Variants in DCAF13 observed in about 807,000 individuals in gnomAD.
The protein encoded by DCAF13 is DDB1- and CUL4-associated factor 13.
DCAF13 carries 38 observed loss-of-function variants against 59.0 expected under a neutral mutation model. The observed-to-expected ratio is 0.64, with a 90% CI of 0.50 to 0.84. DCAF13 has a LOEUF of 0.84. Ranked by LOEUF, DCAF13 falls within the 40% of genes least tolerant of loss-of-function variation. The probability of loss-of-function intolerance (pLI) is 0.00; values close to 1 mark genes in which losing one functional copy is unlikely to be tolerated. For synonymous variants in DCAF13, 173 were observed against 175.0 expected, an observed-to-expected ratio of 0.99 and a Z score of 0.09; for missense variants, 469 against 558.4, an observed-to-expected ratio of 0.84 and a Z score of 1.61.
intron 5 of DCAF13, chr8:103,430,100 A>T (rs1225927582): frequency 6.6e-6 from 1 of 152,312 alleles, no homozygotes; most frequent in Non-Finnish European, 1.5e-5. Flanking sequence ...ATTAAAATAC[A>T]TGCATGGGGG....
chr8:103,415,607 C>T, intron 1 of DCAF13, 91 bp downstream of exon 1: 1 of 1,275,992 alleles, frequency 7.8e-7, no homozygotes, highest in Non-Finnish European at 1.1e-6. Context: ...GGGAGGCTGG[C>T]ACTCTGGTCT....
intron 3 of DCAF13, among the ~76,000 whole-genome samples, chr8:103,422,552 A>G (rs774906526): frequency 1.3e-5 from 2 of 152,220 alleles, no homozygotes; most frequent in Non-Finnish European, 2.9e-5. Flanking sequence ...GAACTACTAC[A>G]AAGAATAATG....
intron 5 of DCAF13, chr8:103,429,694 CGAAG>C (rs1816835878): frequency 2.0e-5 from 3 of 150,340 alleles, no homozygotes; most frequent in Admixed American, 2.0e-4. Flanking sequence ...GTTAACAACA[CGAAG>C]AAACATTTAC....
Position 103,442,871 on chromosome 8 carries a change from G to C in DCAF13, c.1327G>C (p.Val443Leu). ...VSEKKKHVVA[V>L]VK ...AGAGAAGAAGAAACACGTAGTGGCA[G>C]TTGTAAAATAATTGGTATTCCTAAC... is the stretch of plus-strand genomic sequence containing the variant. Residue 443 changes from valine to leucine, a missense_variant, in exon 11 of 11, where the codon GTT (valine) becomes CTT (leucine). Physicochemically the swap from Val to Leu is conservative, Grantham distance 32. Around this residue, in one of 3 missense-constraint regions of DCAF13, gnomAD observed 84 missense variants for 92.3 expected, o/e 0.91. Coordinates refer to ENST00000612750, the MANE Select transcript of DCAF13 (RefSeq NM_015420.7). 6.2e-7 allele frequency: 1 copy of C among 1,603,542 alleles called. No individual in the cohort carries two copies. The highest frequency in any genetic ancestry group is 1.7e-5 in the Admixed American group (1 of 58,914).
intron 1 of DCAF13, among the ~76,000 whole-genome samples, chr8:103,418,797 G>A (rs558092062): frequency 1.3e-4 from 15 of 115,894 alleles, no homozygotes; most frequent in African/African-American, 4.5e-4. Context: ...TTAGACATAC[G>A]AGCTTAAAAT....
At chr8:103,424,754 A>T (rs1816767715) in intron 3 of DCAF13, among the ~76,000 whole-genome samples, 1 of 152,172 alleles carries the variant, frequency 6.6e-6, no homozygotes, top group South Asian at 2.1e-4. Flanking sequence ...TTTATCCTGT[A>T]TTCTGTAAGT....
chr8:103,432,830 TA>T, intron 7 of DCAF13, 89 bp downstream of exon 7: 1 of 736,066 alleles, frequency 1.4e-6, no homozygotes, highest in Non-Finnish European at 2.3e-6. Context: ...TACCACTAGG[TA>T]GGTATACCTA....
intron 1 of DCAF13, 44 bp downstream of exon 1, chr8:103,415,560 G>T (rs746571278): frequency 7.1e-6 from 11 of 1,557,280 alleles, no homozygotes; most frequent in East Asian, 2.3e-5. Flanking sequence ...TCCGCAAGTC[G>T]TTGGGTCTAG....
chr8:103,441,381 G>T (rs1161315580), intron 9 of DCAF13, 74 bp from the exon 10 acceptor site: 20 of 1,394,932 alleles, frequency 1.4e-5, no homozygotes, highest in Non-Finnish European at 1.9e-5. Flanking sequence ...GGGGGAAAAG[G>T]GTGCTTTCTA....
intron 8 of DCAF13, 180 bp from the exon 9 acceptor site, chr8:103,439,956 C>A: frequency 2.5e-6 from 1 of 394,040 alleles, no homozygotes; most frequent in Non-Finnish European, 4.3e-6. Flanking sequence ...TGTTTACTAC[C>A]CCAGCACTTA....
At chr8:103,420,222 A>T in intron 1 of DCAF13, 42 bp from the exon 2 acceptor site, 1 of 1,568,572 alleles carries the variant, frequency 6.4e-7, no homozygotes, top group Non-Finnish European at 8.8e-7. Context: ...ACTGCAGGAA[A>T]TATTAAGTGT....
chr8:103,421,444 C>T (rs1320521200), intron 3 of DCAF13, among the ~76,000 whole-genome samples: 1 of 152,090 alleles, frequency 6.6e-6, no homozygotes, highest in Non-Finnish European at 1.5e-5. Flanking sequence ...GCAAGATATC[C>T]GGAACGTAAA....
At chr8:103,420,609 A>G (rs1816709891) in intron 2 of DCAF13, 146 bp downstream of exon 2, 1 of 777,356 alleles carries the variant, frequency 1.3e-6, no homozygotes, top group East Asian at 2.7e-5. Flanking sequence ...ACTGTTTAGT[A>G]TTTTCTTCTT....
chr8:103,422,135 A>G (rs1229653309), intron 3 of DCAF13, among the ~76,000 whole-genome samples: 1 of 152,200 alleles, frequency 6.6e-6, no homozygotes, highest in Non-Finnish European at 1.5e-5. Flanking sequence ...TGGAGGATTG[A>G]CAGGTTTGAC....
chr8:103,443,035 T>G lies in DCAF13; in HGVS notation c.*153T>G. On this transcript the variant is annotated 3_prime_UTR_variant, in exon 11 of 11. Coordinates refer to ENST00000612750, the MANE Select transcript of DCAF13 (RefSeq NM_015420.7). ...TCCTTTTAGCTACCCTGAAAAATGA[T>G]CCTTAAAGGTGGCCTAGTTGGTAAG... 1.9e-6 allele frequency: 1 copy of G among 516,404 alleles called. No individual in the cohort carries two copies. The highest frequency in any genetic ancestry group is 3.5e-5 in the South Asian group (1 of 28,624). 32.0% of individuals were successfully genotyped at this position (516,404 alleles called of 1,614,324 possible).
intron 8 of DCAF13, among the ~76,000 whole-genome samples, chr8:103,436,516 T>C (rs1816936745): frequency 6.6e-6 from 1 of 152,162 alleles, no homozygotes; most frequent in Non-Finnish European, 1.5e-5. Context: ...ATTTTTATTG[T>C]GTTTTGTATA....
chr8:103,430,604 GT>G lies in DCAF13; in HGVS notation c.625-3del. The G allele has an allele frequency of 6.2e-7, 1 of 1,608,652 alleles. No homozygotes were observed. The highest frequency in any genetic ancestry group is 8.5e-7 in the Non-Finnish European group (1 of 1,176,502). ...CTTTGAACTGGTGATTGTTATACTT[GT>G]TTTTAGACATTTCTCTTGGGAAGTT... On this transcript the variant is annotated splice_region_variant and splice_polypyrimidine_tract_variant and intron_variant, in intron 5 of 10. Coordinates refer to ENST00000612750, the MANE Select transcript of DCAF13 (RefSeq NM_015420.7).
In DCAF13 at chr8:103,418,863, T is replaced by C. The variant is rs1356352758; in HGVS notation, c.71-1401T>C. On this transcript the variant is annotated intron_variant, in intron 1 of 10. Transcript: ENST00000612750. ...ATATATATATATATATATATATATA[T>C]ATATTTTTTTTTTTTTTTTTTTTTT... Among the ~76,000 whole-genome samples the C allele has an allele frequency of 1.4e-4, 4 of 28,524 alleles. 1 individual carries two copies. The highest frequency in any genetic ancestry group is 9.9e-4 in the African/African-American group (4 of 4,034). 18.7% of individuals were successfully genotyped at this position (28,524 alleles called of 152,430 possible).
intron 3 of DCAF13, among the ~76,000 whole-genome samples, chr8:103,425,027 T>C (rs150817520): frequency 3.3e-5 from 5 of 152,234 alleles, no homozygotes; most frequent in South Asian, 2.1e-4. Flanking sequence ...TGATCACTTA[T>C]CTGTTTTCAT....
Sources: gnomAD v4.1 joint callset for allele counts (sites outside exome capture counted in the v4.1 genomes callset) on GRCh38, gnomAD v4.1.1 for gene constraint, gnomAD v4.1.1 regional missense constraint, MANE v1.5 for transcripts, NCBI Gene and HGNC (gene_info 2026-07-23, HGNC 2026-07-21) for gene names.